Variants in THAP6 observed in about 807,000 individuals in gnomAD.
The protein encoded by THAP6 is THAP domain containing 6.
In THAP6, 13 loss-of-function variants were observed where a neutral mutation model predicts 20.0. That is an observed-to-expected ratio of 0.65 (90% CI 0.42 to 1.03). The LOEUF (loss-of-function observed/expected upper bound fraction) is 1.03. THAP6 is among the 50% of genes least tolerant of loss of function. The probability of loss-of-function intolerance (pLI) is 0.00; values close to 1 mark genes in which losing one functional copy is unlikely to be tolerated. For synonymous variants in THAP6, 93 were observed against 92.2 expected (o/e 1.01, Z -0.05); for missense variants, 262 against 261.6 (o/e 1.00, Z -0.01).
intron 4 of THAP6, among the ~76,000 whole-genome samples, chr4:75,524,704 C>T (rs922710697): frequency 1.3e-5 from 2 of 151,746 alleles, no homozygotes; most frequent in Non-Finnish European, 2.9e-5. Context: ...ATTCTCTGTA[C>T]CTAATACTTC....
chr4:75,536,190 C>T (rs1726846928), intron 2 of THAP6, among the ~76,000 whole-genome samples: 1 of 152,208 alleles, frequency 6.6e-6, no homozygotes, highest in Non-Finnish European at 1.5e-5. Flanking sequence ...CCAGACTGGG[C>T]ACAGTGGTTC....
At chr4:75,533,876 A>G (rs573910132), downstream of THAP6, among the ~76,000 whole-genome samples, 3 of 152,038 alleles carry the variant, frequency 2.0e-5, no homozygotes, top group African/African-American at 7.2e-5. Flanking sequence ...CTCGTCATTT[A>G]CATTATGTAT....
intron 4 of THAP6, among the ~76,000 whole-genome samples, chr4:75,526,347 G>A (rs1294198094): frequency 1.3e-5 from 2 of 151,970 alleles, no homozygotes; most frequent in Non-Finnish European, 2.9e-5. Flanking sequence ...TTAAATAATA[G>A]CTTTTCAAAA....
At chr4:75,531,981 C>T (rs189043968), downstream of THAP6, among the ~76,000 whole-genome samples, 65 of 152,178 alleles carry the variant, frequency 4.3e-4, no homozygotes, top group East Asian at 1.4e-3. Flanking sequence ...CGTGTCATTC[C>T]GCCCCAGCCC....
In THAP6 at chr4:75,529,618, A is replaced by G; in HGVS notation, c.*2404A>G. 1.8e-5 allele frequency: 18 copies of G among 985,334 alleles called. No individual in the cohort carries two copies. The highest frequency in any genetic ancestry group is 2.2e-5 in the Non-Finnish European group (18 of 829,922). The allele number at this position is 985,334 out of a possible 1,614,324, so 61.0% of individuals were successfully genotyped here. A position where few individuals can be genotyped will look rare whatever the true frequency, so the allele number is the denominator to read the frequency against. On this transcript the variant is annotated 3_prime_UTR_variant, in exon 5 of 5. Transcript: ENST00000311638. Reference sequence around the variant, plus strand: ...TCAGTCCTCTGTTCCCAGAGATTCCACCCTAGCCCAGGAAAGAACTGGCCT... The same window carrying G: ...TCAGTCCTCTGTTCCCAGAGATTCCGCCCTAGCCCAGGAAAGAACTGGCCT...
At chr4:75,538,351 A>G (rs542184976) in intron 2 of THAP6, among the ~76,000 whole-genome samples, 48 of 152,078 alleles carry the variant, frequency 3.2e-4, no homozygotes, top group African/African-American at 9.2e-4. Flanking sequence ...GAGCTGAACT[A>G]GGAAGCCCTG....
In THAP6 at chr4:75,528,318, G is replaced by A. The variant is rs911902406; in HGVS notation, c.*1104G>A. 7 of 985,240 alleles carry A rather than the reference G, an allele frequency of 7.1e-6. No individual in the cohort carries two copies. The Admixed American group carries it at 2.5e-4, about 35-fold the overall frequency. The allele number at this position is 985,240 out of a possible 1,614,324, so 61.0% of individuals were successfully genotyped here. A position where few individuals can be genotyped will look rare whatever the true frequency, so the allele number is the denominator to read the frequency against. ...TCCAAGTCTCATAAATTTAGCTTTTGTCATAATTCCTTACCGAAAACAACT... is the reference window on the plus strand; with the variant it reads ...TCCAAGTCTCATAAATTTAGCTTTTATCATAATTCCTTACCGAAAACAACT... On this transcript the variant is annotated 3_prime_UTR_variant, in exon 5 of 5. Coordinates refer to ENST00000311638, the MANE Select transcript of THAP6 (RefSeq NM_144721.6).
intron 2 of THAP6, among the ~76,000 whole-genome samples, chr4:75,536,999 A>G (rs1352060361): frequency 3.3e-5 from 5 of 152,230 alleles, no homozygotes; most frequent in African/African-American, 1.2e-4. Flanking sequence ...GAAAGGGTCA[A>G]TTAAGAGGAT....
chr4:75,514,390 A>T (rs1487020513), upstream of THAP6: 4 of 1,328,720 alleles, frequency 3.0e-6, no homozygotes, highest in Non-Finnish European at 4.1e-6. Flanking sequence ...CCCAGCGGCC[A>T]CTAGCGACAA....
intron 2 of THAP6, among the ~76,000 whole-genome samples, chr4:75,539,146 A>G (rs1243218352): frequency 6.6e-6 from 1 of 152,222 alleles, no homozygotes; most frequent in African/African-American, 2.4e-5. Flanking sequence ...GCAGCCATAT[A>G]TCTCAAGACA....
intron 2 of THAP6, among the ~76,000 whole-genome samples, chr4:75,538,130 C>T (rs890994519): frequency 2.0e-5 from 3 of 152,170 alleles, no homozygotes; most frequent in Admixed American, 1.3e-4. Flanking sequence ...AAGACTGGTT[C>T]TAGCTTGTTA....
chr4:75,527,685 G>A lies in THAP6; in HGVS notation c.*471G>A, dbSNP rs1726467393. 1.0e-6 allele frequency: 1 copy of A among 991,542 alleles called. No individual in the cohort carries two copies. Among genetic ancestry groups the A allele is most frequent in the African/African-American group, 1.7e-5 (1 of 57,252 alleles). The allele number at this position is 991,542 out of a possible 1,614,324, so 61.4% of individuals were successfully genotyped here. ...CATATCCATCTTGGATTCAATCCAA[G>A]GTGCTTTAGCTATCAGTAGTACCAA... On this transcript the variant is annotated 3_prime_UTR_variant, in exon 5 of 5. Coordinates refer to ENST00000311638, the MANE Select transcript of THAP6 (RefSeq NM_144721.6).
chr4:75,540,523 C>T (rs1726974356), intron 2 of THAP6, among the ~76,000 whole-genome samples: 2 of 152,192 alleles, frequency 1.3e-5, no homozygotes, highest in Non-Finnish European at 2.9e-5. Flanking sequence ...CAATAATAAA[C>T]TTCTCAAATC....
rs1057448722 is a variant in THAP6 at position 75,515,609 on chromosome 4, A to C, written c.80+77A>C. The C allele has an allele frequency of 4.9e-6, 7 of 1,440,988 alleles. No homozygotes were observed. In the African/African-American group the frequency reaches 5.6e-5, roughly 12 times the overall value. The allele number at this position is 1,440,988 out of a possible 1,614,324, so 89.3% of individuals were successfully genotyped here. On this transcript the variant is annotated intron_variant, in intron 2 of 4. Coordinates refer to ENST00000311638, the MANE Select transcript of THAP6 (RefSeq NM_144721.6). The stretch of plus-strand genomic sequence containing the variant: ...AAAAGACAGTTCTACTTAAGTCTTC[A>C]ATTTTGAACTTTAGTTCCCGAGTCC...
chr4:75,541,890 G>C (rs1727015002), intron 2 of THAP6, among the ~76,000 whole-genome samples: 1 of 151,672 alleles, frequency 6.6e-6, no homozygotes, highest in Non-Finnish European at 1.5e-5. Context: ...CAGAGGGGCG[G>C]AGGTTTCAGT....
At position 75,529,353 on chromosome 4, in the gene THAP6, T is replaced by C. The variant is rs1034432912; in HGVS notation, c.*2139T>C. On this transcript the variant is annotated 3_prime_UTR_variant, in exon 5 of 5. Coordinates refer to ENST00000311638, the MANE Select transcript of THAP6 (RefSeq NM_144721.6). ...AGAGTAAAATCCCAGTCTGCCACTA[T>C]CAAAATTGCCACAGTCACTTTTACT... The C allele has an allele frequency of 1.0e-6, 1 of 985,310 alleles. No individual in the cohort carries two copies. Among genetic ancestry groups the C allele is most frequent in the Non-Finnish European group, 1.2e-6 (1 of 829,948 alleles). The allele number at this position is 985,310 out of a possible 1,614,324, so 61.0% of individuals were successfully genotyped here.
chr4:75,529,033 A>G lies in THAP6; in HGVS notation c.*1819A>G, dbSNP rs1019089705. ...ACGCCGTTGCACTCCAGCCTGAGCA[A>G]CAGAGCAAGACTCCATCTCAAAAAA... On this transcript the variant is annotated 3_prime_UTR_variant, in exon 5 of 5. Coordinates refer to ENST00000311638, the MANE Select transcript of THAP6 (RefSeq NM_144721.6). 15 of 807,552 alleles carry G rather than the reference A, an allele frequency of 1.9e-5. No individual in the cohort carries two copies. The African/African-American group carries it at 2.6e-4, about 14-fold the overall frequency. 50.0% of individuals were successfully genotyped at this position (807,552 alleles called of 1,614,324 possible).
intron 2 of THAP6, chr4:75,539,799 C>T: frequency 1.3e-6 from 2 of 1,533,818 alleles, no homozygotes; most frequent in Non-Finnish European, 8.7e-7. Flanking sequence ...AAACGTAGAC[C>T]ATACAATGAG....
Position 75,542,408 on chromosome 4 carries a change from G to A in THAP6, c.166-1G>A. ...GTATTTCTGCCTGTGTTTTGTTTCA[G>A]ATATCCATGTTCAAGAGGAAATGTT... On this transcript the variant is annotated splice_acceptor_variant, in intron 2 of 4. Transcript: ENST00000502620. LOFTEE classifies it high-confidence loss of function. The A allele has an allele frequency of 1.4e-6, 1 of 701,554 alleles. No individual in the cohort carries two copies. Among genetic ancestry groups the A allele is most frequent in the Non-Finnish European group, 2.6e-6 (1 of 384,654 alleles). The allele number at this position is 701,554 out of a possible 1,614,324, so 43.5% of individuals were successfully genotyped here.
Sources: gnomAD v4.1 joint callset for allele counts (sites outside exome capture counted in the v4.1 genomes callset) on GRCh38, gnomAD v4.1.1 for gene constraint, MANE v1.5 for transcripts, NCBI Gene and HGNC (gene_info 2026-07-23, HGNC 2026-07-21) for gene names.